CD84: variants seen among roughly 807,000 people sequenced by gnomAD.
CD84 encodes the protein SLAM family member 5.
Under a neutral mutation model 33.8 loss-of-function variants are expected in CD84, and 22 were observed. The ratio of observed to expected loss-of-function variants is 0.65; its 90% CI spans 0.46 to 0.93. The LOEUF (loss-of-function observed/expected upper bound fraction) is 0.93, where lower values mean the gene tolerates loss of function less well. Among genes scored for constraint, CD84 ranks in the 40% least tolerant of loss-of-function variants. The pLI is 0.00. For synonymous variants in CD84, 154 were observed against 145.2 expected, an observed-to-expected ratio of 1.06 and a Z score of -0.44; for missense variants, 400 against 397.6, an observed-to-expected ratio of 1.01 and a Z score of -0.05.
chr1:160,573,581 C>T (rs974979866), intron 1 of CD84, among the ~76,000 whole-genome samples: 1 of 152,132 alleles, frequency 6.6e-6, no homozygotes, highest in Non-Finnish European at 1.5e-5. Context: ...CAGCAGTCCC[C>T]CACTTTGTTC....
intron 2 of CD84, among the ~76,000 whole-genome samples, chr1:160,558,719 T>G (rs1471674381): frequency 2.0e-5 from 3 of 152,168 alleles, no homozygotes; most frequent in African/African-American, 7.2e-5. Context: ...TCTAACTCAA[T>G]GCAAAGAAGC....
At chr1:160,552,623 C>G in intron 4 of CD84, 1 of 898,240 alleles carries the variant, frequency 1.1e-6, no homozygotes, top group Non-Finnish European at 1.8e-6. Context: ...CTGCAAATCA[C>G]GTGCTTAGTC....
At chr1:160,578,956 C>A (rs191652711) in intron 1 of CD84, among the ~76,000 whole-genome samples, 61 of 152,284 alleles carry the variant, frequency 4.0e-4, no homozygotes, top group African/African-American at 1.4e-3. Context: ...ATCCATCACT[C>A]TAACCTGATA....
chr1:160,578,796 C>A (rs1371422710), intron 1 of CD84, among the ~76,000 whole-genome samples: 1 of 152,082 alleles, frequency 6.6e-6, no homozygotes, highest in Non-Finnish European at 1.5e-5. Context: ...TTCTCCAACT[C>A]TTTTTTGAGA....
chr1:160,573,780 G>A (rs1657831283), intron 1 of CD84, among the ~76,000 whole-genome samples: 1 of 152,002 alleles, frequency 6.6e-6, no homozygotes, highest in Non-Finnish European at 1.5e-5. Context: ...TCAATACACT[G>A]CTACTATAAT....
chr1:160,553,548 A>G (rs1656390387), intron 3 of CD84, 51 bp from the exon 4 acceptor site: 1 of 1,608,310 alleles, frequency 6.2e-7, no homozygotes, highest in Non-Finnish European at 8.5e-7. Context: ...TAGGCCCAAG[A>G]GGCTGGGCAG....
chr1:160,579,298 C>T, intron 1 of CD84, 94 bp downstream of exon 1: 2 of 1,566,480 alleles, frequency 1.3e-6, no homozygotes, highest in South Asian at 2.3e-5. Context: ...TTCTGCTAAA[C>T]ACAGATCAAA....
intron 1 of CD84, among the ~76,000 whole-genome samples, chr1:160,578,531 C>T (rs1658112689): frequency 6.6e-6 from 1 of 152,264 alleles, no homozygotes; most frequent in Admixed American, 6.5e-5. Flanking sequence ...AGGGTTCTAA[C>T]TCATGCCAGA....
chr1:160,548,390 T>A lies in CD84; in HGVS notation c.922-69A>T, dbSNP rs1284933710. On this transcript the variant is annotated intron_variant, in intron 6 of 6. Transcript: ENST00000368054. ...TGCTGGGGAACTCCAGTCCTGCAAG[T>A]TCCCAGAGGAGTTAAGCAAATGGCA... 3 of 1,548,850 alleles carry A rather than the reference T, an allele frequency of 1.9e-6. No individual in the cohort carries two copies. In the African/African-American group the frequency reaches 4.1e-5, roughly 21 times the overall value.
rs777835389 is a variant in CD84 at position 160,551,066 on chromosome 1, C to T, written c.761-31G>A. On this transcript the variant is annotated intron_variant, in intron 4 of 6. Transcript: ENST00000368054. ...TCACAAATAAATATAGACCCACAGT[C>T]TGTGAAAGGTGGTTTTTTTAGCAAT... 29 of 1,526,414 alleles carry T rather than the reference C, an allele frequency of 1.9e-5. No homozygotes were observed. In the East Asian group the frequency reaches 5.8e-4, roughly 31 times the overall value. The allele number at this position is 1,526,414 out of a possible 1,614,324, so 94.6% of individuals were successfully genotyped here.
rs144380911 is a variant in CD84, at chr1:160,553,396, A to C, written c.742T>G (p.Leu248Val). The C allele has an allele frequency of 1.4e-5, 22 of 1,613,988 alleles. No individual in the cohort carries two copies. The highest frequency in any genetic ancestry group is 1.2e-4 in the African/African-American group (9 of 74,888). The change falls in exon 4 of 7, where the codon TTG becomes GTG. Residue 248 changes from leucine to valine, a missense_variant. Leu to Val is a conservative substitution (Grantham distance 32). Transcript: ENST00000368054. ...ATCCTACCTTGTCTTCTCTTGAACAAACGGAACAAAAACACTGAAGACAGA... is the reference window on the plus strand; with the variant it reads ...ATCCTACCTTGTCTTCTCTTGAACACACGGAACAAAAACACTGAAGACAGA... ...LILSSVFLFR[L>V]FKRRQDAASK...
intron 5 of CD84, chr1:160,550,550 T>A (rs1225335705): frequency 1.1e-6 from 1 of 890,608 alleles, no homozygotes; most frequent in Non-Finnish European, 1.3e-6. Flanking sequence ...GTCAGTTCTG[T>A]TGCCTCGTAG....
chr1:160,551,091 T>C, intron 4 of CD84, 56 bp from the exon 5 acceptor site: 6 of 1,234,968 alleles, frequency 4.9e-6, no homozygotes, highest in South Asian at 3.6e-5. Context: ...TTTTTAGCAA[T>C]GATCTATTCC....
rs982996409 is a variant in CD84 at position 160,544,887 on chromosome 1, A to T, written c.*3369T>A. ...TCCACCAGAGGGCTCTGTCTCTGAG[A>T]CTTCCATTTTGATGCACATTTTTAA... is the stretch of plus-strand genomic sequence containing the variant. On this transcript the variant is annotated 3_prime_UTR_variant, in exon 7 of 7. Coordinates refer to ENST00000368054, the MANE Select transcript of CD84 (RefSeq NM_003874.4). 32 of 152,180 alleles carry T rather than the reference A, an allele frequency of 2.1e-4. No homozygotes were observed. The highest frequency in any genetic ancestry group is 7.2e-4 in the African/African-American group (30 of 41,426). The allele number at this position is 152,180 out of a possible 1,614,324, so 9.4% of individuals were successfully genotyped here. A position where few individuals can be genotyped will look rare whatever the true frequency, so the allele number is the denominator to read the frequency against.
chr1:160,571,119 T>A (rs1208605397), intron 1 of CD84: 1 of 152,060 alleles, frequency 6.6e-6, no homozygotes, highest in Non-Finnish European at 1.5e-5. Context: ...ATAAACCTCT[T>A]TCTTGTTTAA....
At chr1:160,568,636 A>G (rs1244182936) in intron 1 of CD84, among the ~76,000 whole-genome samples, 1 of 152,124 alleles carries the variant, frequency 6.6e-6, no homozygotes, top group Non-Finnish European at 1.5e-5. Flanking sequence ...TTATTTTTAG[A>G]CAAAGTCTCA....
chr1:160,558,912 C>T (rs1365443847), intron 2 of CD84, among the ~76,000 whole-genome samples: 1 of 151,886 alleles, frequency 6.6e-6, no homozygotes, highest in African/African-American at 2.4e-5. Context: ...TGAAATAAGA[C>T]AGGCAGACAA....
In CD84 at chr1:160,543,602, T is replaced by TTTTTTATTATTA. The variant is rs1553230403; in HGVS notation, c.*4653_*4654insTAATAATAAAAA. 69 of 142,712 alleles carry TTTTTTATTATTA rather than the reference T, an allele frequency of 4.8e-4. No individual in the cohort carries two copies. Among genetic ancestry groups the TTTTTTATTATTA allele is most frequent in the African/African-American group, 1.5e-3 (59 of 38,806 alleles). 8.8% of individuals were successfully genotyped at this position (142,712 alleles called of 1,614,324 possible). On this transcript the variant is annotated 3_prime_UTR_variant, in exon 7 of 7. Coordinates refer to ENST00000368054, the MANE Select transcript of CD84 (RefSeq NM_003874.4). ...ATCTTCAAGGAGCTCTCCATTATTA[T>TTTTTTATTATTA]TTATTATTATTATTATTATTATTAT...
rs1557961947 is a variant in CD84 at position 160,543,310 on chromosome 1, C to T, written c.*4946G>A. The stretch of plus-strand genomic sequence containing the variant: ...TGTGTGTACACCTAAGGCCAAGTAC[C>T]AGGTAGGGAGAATCCACAGGAGGTA... On this transcript the variant is annotated 3_prime_UTR_variant, in exon 7 of 7. Transcript: ENST00000368054. 1 of 152,092 alleles carries T rather than the reference C, an allele frequency of 6.6e-6. No homozygotes were observed. The highest frequency in any genetic ancestry group is 1.5e-5 in the Non-Finnish European group (1 of 68,018). 9.4% of individuals were successfully genotyped at this position (152,092 alleles called of 1,614,324 possible).
Sources: gnomAD v4.1 joint callset for allele counts (sites outside exome capture counted in the v4.1 genomes callset) on GRCh38, gnomAD v4.1.1 for gene constraint, MANE v1.5 for transcripts, NCBI Gene and HGNC (gene_info 2026-07-23, HGNC 2026-07-21) for gene names.